The following REDIC1 variants were observed in gnomAD, a reference collection of about 807,000 sequenced individuals.
The protein encoded by REDIC1 is regulator of DNA class I crossover intermediates 1.
At chr12:39,710,315 C>T in the REDIC1 span, among the ~76,000 whole-genome samples, 1 of 151,908 alleles carries the variant, frequency 6.6e-6, no homozygotes, top group East Asian at 1.9e-4. Flanking sequence ...AACAGATACA[C>T]AAAAGTTTTA....
chr12:39,840,850 T>G, the REDIC1 span, among the ~76,000 whole-genome samples: 8 of 152,138 alleles, frequency 5.3e-5, no homozygotes, highest in South Asian at 2.1e-4. Flanking sequence ...GATACATAAG[T>G]GCTCAATAAA....
the REDIC1 span, among the ~76,000 whole-genome samples, chr12:39,800,812 C>T: frequency 3.6e-4 from 1 of 2,794 alleles, no homozygotes; most frequent in Admixed American, 3.6e-3. Context: ...TTTATTGCGG[C>T]ACTATTCACA....
the REDIC1 span, among the ~76,000 whole-genome samples, chr12:39,710,115 T>A: frequency 6.6e-6 from 1 of 151,858 alleles, no homozygotes; most frequent in South Asian, 2.1e-4. Flanking sequence ...AGCATTCCTG[T>A]AATAAATTCC....
At chr12:39,659,682 TATG>T in the REDIC1 span, among the ~76,000 whole-genome samples, 1 of 36,572 alleles carries the variant, frequency 2.7e-5, no homozygotes, top group Non-Finnish European at 5.9e-5. Context: ...GAAATATAGT[TATG>T]ATAACTTTTA....
chr12:39,713,032 T>C, the REDIC1 span, among the ~76,000 whole-genome samples: 4 of 139,496 alleles, frequency 2.9e-5, no homozygotes, highest in South Asian at 4.5e-4. Context: ...TACGTGTATA[T>C]GTATATATAC....
At chr12:39,871,495 A>C in the REDIC1 span, among the ~76,000 whole-genome samples, 4 of 146,078 alleles carry the variant, frequency 2.7e-5, no homozygotes, top group Admixed American at 2.1e-4. Flanking sequence ...GAAAAAAAAA[A>C]CAATTATTTT....
the REDIC1 span, among the ~76,000 whole-genome samples, chr12:39,681,111 A>C: frequency 6.3e-4 from 96 of 152,254 alleles, no homozygotes; most frequent in Non-Finnish European, 1.0e-3. Context: ...GTCTCTACTA[A>C]AAACACAAAA....
the REDIC1 span, among the ~76,000 whole-genome samples, chr12:39,697,113 G>A: frequency 7.9e-5 from 12 of 152,218 alleles, no homozygotes; most frequent in African/African-American, 1.7e-4. Context: ...TGCTAAAAGC[G>A]GCAAGAGAAA....
chr12:39,857,356 T>C, the REDIC1 span, among the ~76,000 whole-genome samples: 254 of 152,322 alleles, frequency 1.7e-3, no homozygotes, highest in Non-Finnish European at 2.4e-3. Flanking sequence ...TGTTGCTAAG[T>C]AGACCACAGT....
the REDIC1 span, chr12:39,682,895 A>G: frequency 6.2e-7 from 1 of 1,612,820 alleles, no homozygotes; most frequent in Non-Finnish European, 8.5e-7. Flanking sequence ...AAGTGTGATT[A>G]TGATAGTATG....
the REDIC1 span, among the ~76,000 whole-genome samples, chr12:39,663,796 A>G: frequency 6.6e-6 from 1 of 151,678 alleles, no homozygotes; most frequent in South Asian, 2.1e-4. Context: ...TCATCCCTTC[A>G]CTTTGAGGTG....
At chr12:39,813,854 G>C in the REDIC1 span, among the ~76,000 whole-genome samples, 1 of 152,138 alleles carries the variant, frequency 6.6e-6, no homozygotes, top group South Asian at 2.1e-4. Context: ...CCCTACACAG[G>C]CATTTTAAAA....
chr12:39,647,359 A>C, the REDIC1 span, among the ~76,000 whole-genome samples: 2 of 152,132 alleles, frequency 1.3e-5, no homozygotes, highest in Non-Finnish European at 1.5e-5. Context: ...ATTATAATTA[A>C]AGCTTGAAAC....
the REDIC1 span, among the ~76,000 whole-genome samples, chr12:39,793,258 G>T: frequency 6.6e-6 from 1 of 152,158 alleles, no homozygotes; most frequent in South Asian, 2.1e-4. Context: ...AAAAGGAAAT[G>T]TTTAGGAAGA....
At chr12:39,740,288 T>A in the REDIC1 span, among the ~76,000 whole-genome samples, 3 of 152,120 alleles carry the variant, frequency 2.0e-5, no homozygotes, top group Non-Finnish European at 4.4e-5. Context: ...TAGGAAAAAA[T>A]TTTAATTACC....
chr12:39,695,529 G>C, the REDIC1 span, among the ~76,000 whole-genome samples: 1 of 152,176 alleles, frequency 6.6e-6, no homozygotes, highest in Non-Finnish European at 1.5e-5. Context: ...GGAAAGGGAA[G>C]GGTGGGAAGG....
the REDIC1 span, among the ~76,000 whole-genome samples, chr12:39,824,349 C>CTCT: frequency 6.6e-6 from 1 of 152,156 alleles, no homozygotes; most frequent in Non-Finnish European, 1.5e-5. Flanking sequence ...TCTAGCAGCG[C>CTCT]TCTTACAAGT....
At chr12:39,851,763 G>A in the REDIC1 span, among the ~76,000 whole-genome samples, 1 of 152,298 alleles carries the variant, frequency 6.6e-6, no homozygotes, top group Non-Finnish European at 1.5e-5. Context: ...GCTGAGCTTT[G>A]AGTCATTGAT....
At chr12:39,700,997 G>A in the REDIC1 span, among the ~76,000 whole-genome samples, 47 of 152,108 alleles carry the variant, frequency 3.1e-4, no homozygotes, top group African/African-American at 1.1e-3. Flanking sequence ...AAAATGTAAA[G>A]ACCATCGAGA....
Sources: allele counts gnomAD v4.1 joint callset (sites outside exome capture counted in the v4.1 genomes callset), GRCh38; gene constraint gnomAD v4.1.1; transcripts MANE v1.5; gene names NCBI Gene and HGNC (gene_info 2026-07-23, HGNC 2026-07-21).